RHOA: variants seen among roughly 807,000 people sequenced by gnomAD.
RHOA encodes the protein transforming protein RhoA.
A neutral mutation model predicts 17.5 loss-of-function variants in RHOA; 3 were observed. That is an observed-to-expected ratio of 0.17 (90% CI 0.08 to 0.44). The LOEUF (loss-of-function observed/expected upper bound fraction) is 0.44. Among genes scored for constraint, RHOA ranks in the 20% least tolerant of loss-of-function variants. RHOA has a pLI of 0.99. For synonymous variants in RHOA, 98 were observed against 88.4 expected, an observed-to-expected ratio of 1.11 and a Z score of -0.61; for missense variants, 56 against 242.3, an observed-to-expected ratio of 0.23 and a Z score of 5.10.
chr3:49,376,684 A>G (rs576167482), intron 1 of RHOA, among the ~76,000 whole-genome samples: 45 of 151,242 alleles, frequency 3.0e-4, no homozygotes, highest in African/African-American at 1.1e-3. Context: ...TTTGTCAAGC[A>G]GGGTAAAAAC....
At chr3:49,400,346 A>T (rs1466233640) in intron 1 of RHOA, among the ~76,000 whole-genome samples, 1 of 151,710 alleles carries the variant, frequency 6.6e-6, no homozygotes, top group East Asian at 1.9e-4. Context: ...AAACAAGATT[A>T]TCTGTGTTCA....
chr3:49,396,621 C>T (rs1465077261), intron 1 of RHOA, among the ~76,000 whole-genome samples: 3 of 151,966 alleles, frequency 2.0e-5, no homozygotes, highest in African/African-American at 4.8e-5. Flanking sequence ...GCAGGAGAAT[C>T]GCTTGAACCT....
rs985366511 is a variant in RHOA, at chr3:49,359,376, C to T, written c.*833G>A. On this transcript the variant is annotated 3_prime_UTR_variant, in exon 5 of 5. Coordinates refer to ENST00000418115, the MANE Select transcript of RHOA (RefSeq NM_001664.4). ...TTCCAAAGTGTCTAATTGCCTCAGG[C>T]GTGAAACCAATTCCTATTTACTTAG... is the stretch of plus-strand genomic sequence containing the variant. 1.6e-5 allele frequency: 3 copies of T among 186,956 alleles called. No homozygotes were observed. The highest frequency in any genetic ancestry group is 6.2e-5 in the Admixed American group (1 of 16,122). The allele number at this position is 186,956 out of a possible 1,614,324, so 11.6% of individuals were successfully genotyped here. A position where few individuals can be genotyped will look rare whatever the true frequency, so the allele number is the denominator to read the frequency against.
chr3:49,374,747 A>C (rs547109462), intron 2 of RHOA, among the ~76,000 whole-genome samples: 6 of 152,182 alleles, frequency 3.9e-5, no homozygotes, highest in Non-Finnish European at 8.8e-5. Flanking sequence ...ACAAAAAAAA[A>C]ACACATATGC....
chr3:49,364,144 G>A (rs1190261601), intron 3 of RHOA, among the ~76,000 whole-genome samples: 1 of 152,020 alleles, frequency 6.6e-6, no homozygotes, highest in Non-Finnish European at 1.5e-5. Flanking sequence ...TAGGTCAGGA[G>A]TTCGAGACCA....
chr3:49,379,899 C>T (rs1304729473), intron 1 of RHOA, among the ~76,000 whole-genome samples: 3 of 152,236 alleles, frequency 2.0e-5, no homozygotes, highest in African/African-American at 7.2e-5. Flanking sequence ...CCACCACTCT[C>T]GCCCCCAGTG....
chr3:49,395,592 A>C (rs1029993712), intron 1 of RHOA, among the ~76,000 whole-genome samples: 4 of 151,874 alleles, frequency 2.6e-5, no homozygotes, highest in Admixed American at 2.6e-4. Flanking sequence ...GGGCGCCTAT[A>C]ATTTCAGCTA....
intron 4 of RHOA, among the ~76,000 whole-genome samples, chr3:49,360,668 C>T (rs1197870248): frequency 1.3e-5 from 2 of 151,546 alleles, no homozygotes; most frequent in African/African-American, 4.8e-5. Flanking sequence ...ACCATTTTGG[C>T]CAGGCTGGTC....
rs71080506 is a variant in RHOA, at chr3:49,398,839, CAAAAAAAAAAAAAAAAAAAAAA to C, written c.-3+12959_-3+12980del. Among the ~76,000 whole-genome samples the C allele has an allele frequency of 5.6e-5, 2 of 35,654 alleles. 1 individual carries two copies. Among genetic ancestry groups the C allele is most frequent in the Admixed American group, 1.2e-3 (2 of 1,738 alleles). The allele number at this position is 35,654 out of a possible 152,430, so 23.4% of individuals were successfully genotyped here. ...TGAGCGACACAGCGAGACTCCGTCT[CAAAAAAAAAAAAAAAAAAAAAA>C]AAAAAAAAAAGAATTTTGCTGTCTG... is the stretch of plus-strand genomic sequence containing the variant. On this transcript the variant is annotated intron_variant, in intron 1 of 4. Transcript: ENST00000418115.
chr3:49,393,894 T>C (rs2048568097), intron 1 of RHOA, among the ~76,000 whole-genome samples: 1 of 144,530 alleles, frequency 6.9e-6, no homozygotes, highest in South Asian at 2.2e-4. Context: ...TTTTTTGAGA[T>C]GGAGTCTCCT....
intron 1 of RHOA, among the ~76,000 whole-genome samples, chr3:49,386,156 G>A (rs1317639280): frequency 5.3e-5 from 8 of 152,152 alleles, no homozygotes; most frequent in Admixed American, 2.0e-4. Flanking sequence ...TCTACAGATC[G>A]ATTTGGGGAG....
At chr3:49,389,890 T>C (rs533688472) in intron 1 of RHOA, among the ~76,000 whole-genome samples, 1 of 135,078 alleles carries the variant, frequency 7.4e-6, no homozygotes, top group East Asian at 2.2e-4. Context: ...TGAGCCGAGA[T>C]GGTGCCACTG....
intron 4 of RHOA, among the ~76,000 whole-genome samples, chr3:49,362,044 G>A (rs1018952278): frequency 1.3e-4 from 19 of 151,632 alleles, no homozygotes; most frequent in Non-Finnish European, 2.1e-4. Flanking sequence ...AAAATTAGCC[G>A]GTCATGGTGG....
chr3:49,382,876 G>A (rs569385135), intron 1 of RHOA, among the ~76,000 whole-genome samples: 12 of 151,638 alleles, frequency 7.9e-5, no homozygotes, highest in Non-Finnish European at 1.6e-4. Flanking sequence ...CCAACATGGT[G>A]TAACCCCATA....
chr3:49,401,736 G>C (rs966673124), intron 1 of RHOA, among the ~76,000 whole-genome samples: 3 of 152,150 alleles, frequency 2.0e-5, no homozygotes, highest in Admixed American at 6.6e-5. Flanking sequence ...CTTGGGCCCA[G>C]AAGTGTTTCA....
chr3:49,382,978 C>G (rs1339922593), intron 1 of RHOA, among the ~76,000 whole-genome samples: 1 of 151,654 alleles, frequency 6.6e-6, no homozygotes, highest in Non-Finnish European at 1.5e-5. Context: ...CACTTGAACA[C>G]AGGAGGCAAA....
intron 1 of RHOA, among the ~76,000 whole-genome samples, chr3:49,403,528 A>G (rs2048762193): frequency 6.6e-6 from 1 of 151,740 alleles, no homozygotes; most frequent in Non-Finnish European, 1.5e-5. Context: ...CAGTCTGAGC[A>G]CATAGTGAGA....
chr3:49,391,374 AGAGT>A (rs2048503623), intron 1 of RHOA, among the ~76,000 whole-genome samples: 1 of 150,316 alleles, frequency 6.7e-6, no homozygotes, highest in African/African-American at 2.4e-5. Context: ...CTTGAGCGAC[AGAGT>A]GAGAATCCGT....
chr3:49,367,365 A>AAAAAAAAAAAAAAAAAAAAAT, intron 3 of RHOA, among the ~76,000 whole-genome samples: 1 of 149,778 alleles, frequency 6.7e-6, no homozygotes, highest in Non-Finnish European at 1.5e-5. Flanking sequence ...AAAAAAAAAA[A>AAAAAAAAAAAAAAAAAAAAAT]AGAATACTGA....
Sources: gnomAD v4.1 joint callset for allele counts (sites outside exome capture counted in the v4.1 genomes callset) on GRCh38, gnomAD v4.1.1 for gene constraint, MANE v1.5 for transcripts, NCBI Gene and HGNC (gene_info 2026-07-23, HGNC 2026-07-21) for gene names.